The following SLC25A24 variants were observed in gnomAD, a reference collection of about 807,000 sequenced individuals.
SLC25A24 encodes solute carrier family 25 member 24.
A neutral mutation model predicts 60.7 loss-of-function variants in SLC25A24; 49 were observed. The observed-to-expected ratio is 0.81, with a 90% confidence interval of 0.64 to 1.02. The LOEUF is 1.02. Ranked by LOEUF, SLC25A24 falls within the 50% of genes least tolerant of loss-of-function variation. SLC25A24 has a pLI of 0.00. For missense variants in SLC25A24, 564 were observed against 586.3 expected (o/e 0.96, Z 0.39); for synonymous variants, 202 against 200.6 (o/e 1.01, Z -0.06).
chr1:108,175,742 T>C (rs1374516092), intron 3 of SLC25A24, among the ~76,000 whole-genome samples: 2 of 152,088 alleles, frequency 1.3e-5, no homozygotes, highest in African/African-American at 4.8e-5. Flanking sequence ...TGAGTATTCA[T>C]ATAGCTATGG....
At position 108,192,530 on chromosome 1, in the gene SLC25A24, T is replaced by A. The variant is rs199601855; in HGVS notation, c.184-6576A>T. On this transcript the variant is annotated intron_variant, in intron 1 of 9. Transcript: ENST00000565488. Reference sequence around the variant, plus strand: ...CTCTAGAGATTGAATGGCCCCTACATCCTCCAGGCCTTCCTGAAGCTCAAA... The same window carrying A: ...CTCTAGAGATTGAATGGCCCCTACAACCTCCAGGCCTTCCTGAAGCTCAAA... The A allele has an allele frequency of 3.4e-4, 508 of 1,498,268 alleles. 149 individuals carry two copies. In the East Asian group the frequency reaches 0.011, roughly 31 times the overall value. 92.8% of individuals were successfully genotyped at this position (1,498,268 alleles called of 1,614,324 possible).
At chr1:108,150,020 AGAGT>A (rs2101606215) in intron 6 of SLC25A24, among the ~76,000 whole-genome samples, 1 of 152,342 alleles carries the variant, frequency 6.6e-6, no homozygotes, top group Non-Finnish European at 1.5e-5. Context: ...CCTGAACTAC[AGAGT>A]GTTACATAAA....
At chr1:108,179,558 C>T (rs1480714163) in intron 3 of SLC25A24, among the ~76,000 whole-genome samples, 1 of 151,874 alleles carries the variant, frequency 6.6e-6, no homozygotes, top group Non-Finnish European at 1.5e-5. Flanking sequence ...TATATATATA[C>T]AATAGAAAAC....
Position 108,150,959 on chromosome 1 carries a change from G to C in SLC25A24, c.823-2573C>G, listed in dbSNP as rs566951991. On this transcript the variant is annotated intron_variant, in intron 6 of 9. Coordinates refer to ENST00000565488, the MANE Select transcript of SLC25A24 (RefSeq NM_013386.5). ...CTCACTCCTGCAATCCCAGCATTTC[G>C]GGAGGCTGAGGCAGGAGGACCACTT... 4.2e-4 allele frequency among the ~76,000 whole-genome samples: 37 copies of C among 89,022 alleles called. No individual in the cohort carries two copies. In the East Asian group the frequency reaches 0.014, roughly 33 times the overall value. 58.4% of individuals were successfully genotyped at this position (89,022 alleles called of 152,430 possible). A position where few individuals can be genotyped will look rare whatever the true frequency, so the allele number is the denominator to read the frequency against.
At chr1:108,190,425 T>C (rs1409657820) in intron 1 of SLC25A24, among the ~76,000 whole-genome samples, 1 of 152,160 alleles carries the variant, frequency 6.6e-6, no homozygotes, top group Non-Finnish European at 1.5e-5. Flanking sequence ...TCTCTAGAGA[T>C]AGCAACCTGA....
In SLC25A24 at chr1:108,139,126, A is replaced by G. The variant is rs868847001; in HGVS notation, c.1181T>C (p.Leu394Ser). Residue 394 changes from leucine to serine, a missense_variant, in exon 9 of 10, where the codon TTA becomes TCA. Physicochemically the swap from Leu to Ser is moderately radical, Grantham distance 145 (BLOSUM62 -2). Coordinates refer to ENST00000565488, the MANE Select transcript of SLC25A24 (RefSeq NM_013386.5). ...GGCCAGCTGACCACAGGTGCTGGAT[A>G]AGGCACCGCATCCCAGCAACACCAT... ...GVMVLLGCGA[L>S]SSTCGQLASY... The G allele has an allele frequency of 6.2e-7, 1 of 1,611,134 alleles. No homozygotes were observed.
At chr1:108,151,242 A>G (rs765507445) in intron 6 of SLC25A24, among the ~76,000 whole-genome samples, 1 of 151,866 alleles carries the variant, frequency 6.6e-6, no homozygotes, top group Non-Finnish European at 1.5e-5. Context: ...ACAAAAAAAC[A>G]AAAAAACAAA....
At chr1:108,182,591 T>G (rs771993446) in intron 2 of SLC25A24, among the ~76,000 whole-genome samples, 1 of 152,090 alleles carries the variant, frequency 6.6e-6, no homozygotes, top group Non-Finnish European at 1.5e-5. Flanking sequence ...CCAGCACTTT[T>G]GGAGGCTGAG....
chr1:108,186,915 T>G (rs1226509749), intron 1 of SLC25A24, among the ~76,000 whole-genome samples: 1 of 151,944 alleles, frequency 6.6e-6, no homozygotes, highest in African/African-American at 2.4e-5. Context: ...CCATCTCTAC[T>G]AAAAATACAA....
chr1:108,141,846 C>T (rs1292371612), intron 8 of SLC25A24, among the ~76,000 whole-genome samples: 1 of 152,040 alleles, frequency 6.6e-6, no homozygotes, highest in Non-Finnish European at 1.5e-5. Flanking sequence ...TTACACAGCG[C>T]TGGGGTGAAG....
At chr1:108,154,073 AT>A (rs3043351) in intron 6 of SLC25A24, among the ~76,000 whole-genome samples, 58 of 133,472 alleles carry the variant, frequency 4.3e-4, no homozygotes, top group Admixed American at 6.9e-4. Flanking sequence ...ATTTTCTTTA[AT>A]TTTTTTTTTT....
intron 1 of SLC25A24, among the ~76,000 whole-genome samples, chr1:108,196,144 A>T (rs1297460609): frequency 6.6e-6 from 1 of 152,148 alleles, no homozygotes; most frequent in Non-Finnish European, 1.5e-5. Flanking sequence ...CTATGTGACT[A>T]TTTTTTCTGT....
At chr1:108,153,043 G>T (rs1679798539) in intron 6 of SLC25A24, among the ~76,000 whole-genome samples, 1 of 152,104 alleles carries the variant, frequency 6.6e-6, no homozygotes, top group African/African-American at 2.4e-5. Context: ...GGCACTCCTG[G>T]GTCATGCAAG....
In SLC25A24 at chr1:108,139,068, C is replaced by T; in HGVS notation, c.1239G>A (p.Met413Ile). Residue 413 changes from methionine (M) to isoleucine (I), a missense_variant, in exon 9 of 10, where the codon ATG becomes ATA. By Grantham distance (10) the Met-to-Ile change is conservative. Transcript: ENST00000565488. ...TAATCAAAAATTCACCTTGAGCCTG[C>T]ATGCGAGTTCTCACCAAAGCCAATG... ...SYPLALVRTR[M>I]QAQAMLEGSP... is the part of the protein sequence containing the mutation. 2.5e-6 allele frequency: 4 copies of T among 1,592,156 alleles called. No individual in the cohort carries two copies. Among genetic ancestry groups the T allele is most frequent in the Non-Finnish European group, 3.4e-6 (4 of 1,170,698 alleles).
rs574841845 is a variant in SLC25A24 at position 108,179,009 on chromosome 1, T to A, written c.398+2932A>T. On this transcript the variant is annotated intron_variant, in intron 3 of 9. Coordinates refer to ENST00000565488, the MANE Select transcript of SLC25A24 (RefSeq NM_013386.5). Reference sequence around the variant, plus strand: ...CCCATGGAACACAGTAAAAGCAATTTTAAGAGCAAAGTTTATGGCAGTAAA... The same window carrying A: ...CCCATGGAACACAGTAAAAGCAATTATAAGAGCAAAGTTTATGGCAGTAAA... Among the ~76,000 whole-genome samples the A allele has an allele frequency of 2.6e-5, 4 of 151,492 alleles. No individual in the cohort carries two copies. In the South Asian group the frequency reaches 6.3e-4, roughly 24 times the overall value.
chr1:108,185,718 T>A (rs1478876216), intron 2 of SLC25A24, 110 bp downstream of exon 2: 5 of 804,144 alleles, frequency 6.2e-6, no homozygotes, highest in African/African-American at 1.8e-5. Flanking sequence ...TTAACACAAA[T>A]AATAATTATC....
intron 1 of SLC25A24, among the ~76,000 whole-genome samples, chr1:108,188,396 T>C (rs1648223437): frequency 6.6e-6 from 1 of 152,156 alleles, no homozygotes; most frequent in Admixed American, 6.5e-5. Context: ...AAAATTACCA[T>C]ATTTTTACTG....
At chr1:108,142,788 A>T (rs1679476619) in intron 8 of SLC25A24, among the ~76,000 whole-genome samples, 1 of 152,204 alleles carries the variant, frequency 6.6e-6, no homozygotes, top group South Asian at 2.1e-4. Context: ...AATAATTTTT[A>T]AAAATTATGT....
intron 2 of SLC25A24, among the ~76,000 whole-genome samples, chr1:108,183,515 C>G (rs945878617): frequency 6.6e-6 from 1 of 152,188 alleles, no homozygotes; most frequent in Non-Finnish European, 1.5e-5. Context: ...ACAACACTTT[C>G]ATCAACTGAT....
Sources: allele counts gnomAD v4.1 joint callset (sites outside exome capture counted in the v4.1 genomes callset), GRCh38; gene constraint gnomAD v4.1.1; transcripts MANE v1.5; gene names NCBI Gene and HGNC (gene_info 2026-07-23, HGNC 2026-07-21).